The following LRRC4C variants were observed in gnomAD, a reference collection of about 807,000 sequenced individuals.
LRRC4C encodes leucine-rich repeat-containing protein 4C.
LRRC4C carries 5 observed loss-of-function variants against 33.6 expected under a neutral mutation model. That is an observed-to-expected ratio of 0.15 (90% CI 0.08 to 0.31). The LOEUF (loss-of-function observed/expected upper bound fraction) is 0.31. Among genes scored for constraint, LRRC4C ranks in the 10% least tolerant of loss-of-function variants. LRRC4C has a pLI of 1.00. For missense variants in LRRC4C, 560 were observed against 796.7 expected (o/e 0.70, Z 3.58); for synonymous variants, 329 against 302.0 (o/e 1.09, Z -0.93).
At chr11:40,672,423 T>G (rs1449314691) in intron 2 of LRRC4C, among the ~76,000 whole-genome samples, 2 of 152,212 alleles carry the variant, frequency 1.3e-5, no homozygotes, top group African/African-American at 4.8e-5. Context: ...ACCATAGCAG[T>G]GGTTCTAACA....
At chr11:41,405,734 T>A (rs1467363179) in intron 1 of LRRC4C, among the ~76,000 whole-genome samples, 1 of 152,080 alleles carries the variant, frequency 6.6e-6, no homozygotes, top group Admixed American at 6.6e-5. Context: ...ATCAAATAAA[T>A]TCAATTCTTT....
intron 1 of LRRC4C, among the ~76,000 whole-genome samples, chr11:41,208,501 T>C (rs1242229901): frequency 1.3e-5 from 2 of 152,194 alleles, no homozygotes; most frequent in Non-Finnish European, 2.9e-5. Context: ...TCTAAAGGAT[T>C]ACCCACAGAA....
At chr11:40,371,216 G>C (rs1006408403) in intron 3 of LRRC4C, among the ~76,000 whole-genome samples, 4 of 152,040 alleles carry the variant, frequency 2.6e-5, no homozygotes, top group African/African-American at 9.7e-5. Context: ...AAGTATATCT[G>C]AATTTGTGTC....
chr11:41,446,004 C>T (rs1018908662), intron 1 of LRRC4C, among the ~76,000 whole-genome samples: 2 of 151,932 alleles, frequency 1.3e-5, no homozygotes, highest in African/African-American at 4.8e-5. Flanking sequence ...GTGTCAGACA[C>T]ATAGTAGGTT....
intron 1 of LRRC4C, among the ~76,000 whole-genome samples, chr11:41,243,510 A>T (rs886134404): frequency 3.3e-5 from 5 of 152,164 alleles, no homozygotes; most frequent in African/African-American, 1.2e-4. Context: ...TTTCCTTCCC[A>T]GATAAGTATT....
chr11:40,688,949 G>A (rs1050395270), intron 2 of LRRC4C, among the ~76,000 whole-genome samples: 2 of 151,982 alleles, frequency 1.3e-5, no homozygotes, highest in South Asian at 2.1e-4. Context: ...AGAAAACAAC[G>A]GAGAATGATA....
intron 1 of LRRC4C, among the ~76,000 whole-genome samples, chr11:41,198,591 CT>C (rs2136246550): frequency 6.7e-6 from 1 of 150,042 alleles, no homozygotes; most frequent in Non-Finnish European, 1.5e-5. Flanking sequence ...CAAATGAGCC[CT>C]TCTGACAAGA....
chr11:40,719,604 G>A lies in LRRC4C; in HGVS notation c.-406-71326C>T, dbSNP rs192836573. ...AAAATTCTACTACTGAGGATATACC[G>A]TGACTGGCTGCAGTAATTGCAGTGA... On this transcript the variant is annotated intron_variant, in intron 2 of 6. Coordinates refer to ENST00000528697, the MANE Select transcript of LRRC4C (RefSeq NM_001258419.2). Among the ~76,000 whole-genome samples, 794 of 152,278 alleles carry A rather than the reference G, an allele frequency of 5.2e-3. 6 individuals are homozygous for A. Among genetic ancestry groups the A allele is most frequent in the Non-Finnish European group, 7.0e-3 (475 of 68,018 alleles).
intron 1 of LRRC4C, among the ~76,000 whole-genome samples, chr11:40,973,273 A>C (rs1204321719): frequency 6.6e-6 from 1 of 152,112 alleles, no homozygotes; most frequent in Non-Finnish European, 1.5e-5. Context: ...TGTCTACTAG[A>C]TAGAAGAAAG....
intron 1 of LRRC4C, among the ~76,000 whole-genome samples, chr11:41,059,309 C>T (rs1858893435): frequency 6.9e-6 from 1 of 145,758 alleles, no homozygotes; most frequent in South Asian, 2.2e-4. Context: ...TAGATACGTT[C>T]CTTATCTAAC....
intron 3 of LRRC4C, among the ~76,000 whole-genome samples, chr11:40,598,476 A>G (rs1345592150): frequency 6.6e-6 from 1 of 152,208 alleles, no homozygotes; most frequent in East Asian, 1.9e-4. Flanking sequence ...GCTGCTAGGC[A>G]CACAGTAAGC....
intron 3 of LRRC4C, among the ~76,000 whole-genome samples, chr11:40,633,413 G>C (rs1459408696): frequency 1.5e-5 from 1 of 67,526 alleles, no homozygotes; most frequent in Non-Finnish European, 3.2e-5. Context: ...TTTTTTGACA[G>C]AGTCTCACTC....
At chr11:40,911,162 C>T (rs556686027) in intron 2 of LRRC4C, among the ~76,000 whole-genome samples, 1 of 152,178 alleles carries the variant, frequency 6.6e-6, no homozygotes, top group Non-Finnish European at 1.5e-5. Context: ...CCTCTGCAGA[C>T]CTAAATGTCC....
chr11:40,865,015 A>G (rs1009399231), intron 2 of LRRC4C, among the ~76,000 whole-genome samples: 1 of 152,204 alleles, frequency 6.6e-6, no homozygotes. Context: ...TGATGGATAC[A>G]TAGGTTGTTT....
intron 4 of LRRC4C, among the ~76,000 whole-genome samples, chr11:40,250,911 T>C (rs1175087035): frequency 1.3e-5 from 2 of 152,196 alleles, no homozygotes; most frequent in Admixed American, 6.5e-5. Flanking sequence ...CTCGCCTCAG[T>C]AGTGAAATGT....
intron 5 of LRRC4C, among the ~76,000 whole-genome samples, chr11:40,168,189 G>A (rs1859758834): frequency 6.6e-6 from 1 of 152,182 alleles, no homozygotes; most frequent in South Asian, 2.1e-4. Context: ...GTTATTCTGA[G>A]GATCTTGGCA....
chr11:40,876,360 C>A (rs1954892209), intron 2 of LRRC4C, among the ~76,000 whole-genome samples: 1 of 144,308 alleles, frequency 6.9e-6, no homozygotes, highest in African/African-American at 2.6e-5. Flanking sequence ...AAGATCCTGG[C>A]TCAGTCTCGT....
In LRRC4C at chr11:40,115,065, T is replaced by C; in HGVS notation, c.1228A>G (p.Thr410Ala). The part of the protein sequence containing the change: ...KVRIAVLSDG[T>A]LNFTNVTVQD... ...ACAGTTACATTTGTGAAATTTAACG[T>C]ACCATCACTGAGCACAGCTATCCGC... is the stretch of plus-strand genomic sequence containing the variant. The change falls in exon 7 of 7, where the codon ACG becomes GCG. Residue 410 changes from threonine to alanine, a missense_variant. By Grantham distance (58) the Thr-to-Ala change is moderately conservative. Coordinates refer to ENST00000528697, the MANE Select transcript of LRRC4C (RefSeq NM_001258419.2). The surrounding 1 kb of genome is among the most constrained non-coding windows in gnomAD (Gnocchi z 6.7). 1 of 1,614,236 alleles carries C rather than the reference T, an allele frequency of 6.2e-7. No homozygotes were observed. Among genetic ancestry groups the C allele is most frequent in the Non-Finnish European group, 8.5e-7 (1 of 1,180,036 alleles).
chr11:40,394,556 AAAC>A (rs1334525782), intron 3 of LRRC4C, among the ~76,000 whole-genome samples: 1 of 152,138 alleles, frequency 6.6e-6, no homozygotes, highest in African/African-American at 2.4e-5. Context: ...TAAAAAATAA[AAAC>A]AACTGGACAA....
Sources: gnomAD v4.1 joint callset for allele counts (sites outside exome capture counted in the v4.1 genomes callset) on GRCh38, gnomAD v4.1.1 for gene constraint, Gnocchi (gnomAD v3.1) non-coding constraint, MANE v1.5 for transcripts, NCBI Gene and HGNC (gene_info 2026-07-23, HGNC 2026-07-21) for gene names.